GRID2: variants seen among roughly 807,000 people sequenced by gnomAD.
GRID2 encodes glutamate ionotropic receptor delta type subunit 2, also known as glutamate receptor ionotropic, delta-2.
In GRID2, 33 loss-of-function variants were observed where a neutral mutation model predicts 114.8. That is an observed-to-expected ratio of 0.29 (90% CI 0.22 to 0.38). The LOEUF is 0.38. GRID2 is among the 10% of genes least tolerant of loss of function. GRID2 has a pLI of 1.00. For synonymous variants in GRID2, 505 were observed against 449.9 expected, an observed-to-expected ratio of 1.12 and a Z score of -1.55; for missense variants, 1,184 against 1,257.7, an observed-to-expected ratio of 0.94 and a Z score of 0.89.
At chr4:92,318,790 G>C (rs1726150173) in intron 1 of GRID2, among the ~76,000 whole-genome samples, 2 of 151,976 alleles carry the variant, frequency 1.3e-5, no homozygotes, top group Admixed American at 1.3e-4. Context: ...CTATTAAATA[G>C]CAAGTCAGAG....
chr4:93,292,097 C>T (rs62307804), intron 8 of GRID2, among the ~76,000 whole-genome samples: 1 of 152,110 alleles, frequency 6.6e-6, no homozygotes, highest in Non-Finnish European at 1.5e-5. Context: ...ATTGTTTTTG[C>T]TCTTGGTGAT....
At chr4:93,547,868 A>G (rs974182434) in intron 13 of GRID2, among the ~76,000 whole-genome samples, 8 of 152,254 alleles carry the variant, frequency 5.3e-5, no homozygotes, top group African/African-American at 1.9e-4. Flanking sequence ...AAATACAGAG[A>G]CTACTAAATT....
rs969610707 is a variant in GRID2 at position 93,422,804 on chromosome 4, T to C, written c.1381T>C (p.Leu461=). Residue 461 remains leucine (L), a synonymous_variant, in exon 10 of 16, where the codon TTG becomes CTG. Transcript: ENST00000282020. ...TTTTGTGATGGTCTCTGAAAATGTC[T>C]TGGGTAAGCCGAAGAAATACCAGGG... The part of the protein sequence containing the change: ...EPFVMVSENV[L]GKPKKYQGFS... 2 of 1,613,740 alleles carry C rather than the reference T, an allele frequency of 1.2e-6. No individual in the cohort carries two copies. The highest frequency in any genetic ancestry group is 1.1e-5 in the South Asian group (1 of 91,076).
At chr4:92,940,324 A>G (rs1391814511) in intron 2 of GRID2, among the ~76,000 whole-genome samples, 1 of 146,812 alleles carries the variant, frequency 6.8e-6, no homozygotes, top group Non-Finnish European at 1.5e-5. Context: ...TTCTCTTTGA[A>G]GCAATTGTGA....
chr4:93,472,976 C>T (rs1724984813), intron 11 of GRID2, among the ~76,000 whole-genome samples: 2 of 152,082 alleles, frequency 1.3e-5, no homozygotes, highest in Non-Finnish European at 2.9e-5. Flanking sequence ...GGGCTTAGTG[C>T]CTGATGGAGT....
chr4:92,772,566 A>G (rs1374842794), intron 2 of GRID2, among the ~76,000 whole-genome samples: 7 of 152,120 alleles, frequency 4.6e-5, no homozygotes, highest in Non-Finnish European at 7.3e-5. Context: ...ATTCTTCTCA[A>G]TATTTCCATA....
chr4:92,441,187 T>C (rs1371389169), intron 1 of GRID2, among the ~76,000 whole-genome samples: 1 of 152,252 alleles, frequency 6.6e-6, no homozygotes, highest in East Asian at 1.9e-4. Flanking sequence ...GTTGTTGTTT[T>C]ATAGAAGGTG....
Position 93,692,210 on chromosome 4 carries a change from G to A in GRID2, c.2360+65775G>A, listed in dbSNP as rs924971997. On this transcript the variant is annotated intron_variant, in intron 14 of 15. Transcript: ENST00000282020. The stretch of plus-strand genomic sequence containing the variant: ...AAGAAAGTGAGATAAAAATTGGGGG[G>A]GTTGCAAATTTAGAATAGAGTTTAG... Among the ~76,000 whole-genome samples the A allele has an allele frequency of 5.3e-5, 8 of 152,030 alleles. No homozygotes were observed. The Middle Eastern group carries it at 0.014, about 259-fold the overall frequency.
chr4:93,743,156 A>T (rs1731559479), intron 14 of GRID2, among the ~76,000 whole-genome samples: 1 of 152,262 alleles, frequency 6.6e-6, no homozygotes, highest in Non-Finnish European at 1.5e-5. Flanking sequence ...ATATTCCCTT[A>T]GGCCAAAGCC....
chr4:93,001,010 G>A (rs1017190960), intron 2 of GRID2, among the ~76,000 whole-genome samples: 2 of 151,422 alleles, frequency 1.3e-5, no homozygotes, highest in South Asian at 2.1e-4. Context: ...AAAATAAATA[G>A]CAGTATTTCA....
chr4:93,501,384 G>A (rs572753884), intron 12 of GRID2, among the ~76,000 whole-genome samples: 6 of 152,100 alleles, frequency 3.9e-5, no homozygotes, highest in South Asian at 2.1e-4. Flanking sequence ...TGAAGTGAGC[G>A]AGGGCTGGCT....
At chr4:92,912,943 T>C (rs1016525282) in intron 2 of GRID2, among the ~76,000 whole-genome samples, 1 of 151,856 alleles carries the variant, frequency 6.6e-6, no homozygotes, top group African/African-American at 2.4e-5. Context: ...ATTTGGAACC[T>C]AGAATAGAAA....
chr4:92,901,234 A>C (rs1239052251), intron 2 of GRID2, among the ~76,000 whole-genome samples: 1 of 152,150 alleles, frequency 6.6e-6, no homozygotes, highest in Non-Finnish European at 1.5e-5. Flanking sequence ...CCTTGCCAAA[A>C]TCTGTTATTT....
chr4:92,988,308 G>A (rs1457905281), intron 2 of GRID2, among the ~76,000 whole-genome samples: 2 of 152,118 alleles, frequency 1.3e-5, no homozygotes, highest in African/African-American at 2.4e-5. Flanking sequence ...AAGGACTGTT[G>A]TACTAAGGCT....
intron 14 of GRID2, among the ~76,000 whole-genome samples, chr4:93,717,513 A>G (rs966679833): frequency 6.6e-6 from 1 of 152,170 alleles, no homozygotes; most frequent in Admixed American, 6.5e-5. Flanking sequence ...AGCACTGCTA[A>G]CTATCTTTTA....
Position 93,395,689 on chromosome 4 carries a change from T to C in GRID2, c.1328T>C (p.Leu443Pro). The C allele has an allele frequency of 6.6e-7, 1 of 1,519,976 alleles. No homozygotes were observed. Among genetic ancestry groups the C allele is most frequent in the South Asian group, 1.1e-5 (1 of 89,102 alleles). The allele number at this position is 1,519,976 out of a possible 1,614,324, so 94.2% of individuals were successfully genotyped here. Residue 443 changes from leucine (L) to proline (P), a missense_variant, in exon 9 of 16, where the codon CTA becomes CCA. This residue lies in a region of GRID2 where 717 missense variants were observed against 796.9 expected (regional missense o/e 0.90). Transcript: ENST00000282020. The part of the protein sequence containing the change: ...KLENNMRGVV[L>P]RVVTVLEEPF... The stretch of plus-strand genomic sequence containing the variant: ...GAGAATAACATGCGTGGAGTGGTTC[T>C]ACGTGTAGTAACTGTTCTGGTAAGT...
At chr4:93,075,771 T>A (rs961843900) in intron 2 of GRID2, among the ~76,000 whole-genome samples, 1 of 151,270 alleles carries the variant, frequency 6.6e-6, no homozygotes, top group Non-Finnish European at 1.5e-5. Flanking sequence ...GTACACTGAA[T>A]ACTACAAAAT....
intron 13 of GRID2, among the ~76,000 whole-genome samples, chr4:93,540,313 T>G (rs1244380516): frequency 6.6e-6 from 1 of 152,082 alleles, no homozygotes; most frequent in Non-Finnish European, 1.5e-5. Flanking sequence ...GCCTTTAACA[T>G]TTTCTTCTCC....
Position 92,691,714 on chromosome 4 carries a change from C to T in GRID2, c.244+101428C>T, listed in dbSNP as rs535545903. 1.1e-3 allele frequency among the ~76,000 whole-genome samples: 160 copies of T among 152,278 alleles called. 1 individual carries two copies. The highest frequency in any genetic ancestry group is 3.5e-3 in the African/African-American group (147 of 41,558). On this transcript the variant is annotated intron_variant, in intron 2 of 15. Transcript: ENST00000282020. Reference sequence around the variant, plus strand: ...GCAGAACAAGACCATGTTTGGAAAACGGCAGTCATCCTGGGAAACTTTTTA... The same window carrying T: ...GCAGAACAAGACCATGTTTGGAAAATGGCAGTCATCCTGGGAAACTTTTTA...
Sources: gnomAD v4.1 joint callset for allele counts (sites outside exome capture counted in the v4.1 genomes callset) on GRCh38, gnomAD v4.1.1 for gene constraint, gnomAD v4.1.1 regional missense constraint, MANE v1.5 for transcripts, NCBI Gene and HGNC (gene_info 2026-07-23, HGNC 2026-07-21) for gene names.